Variants in SNX9 observed in about 807,000 individuals in gnomAD.
The protein encoded by SNX9 is sorting nexin 9, also known as sorting nexin-9.
A neutral mutation model predicts 89.4 loss-of-function variants in SNX9; 44 were observed. The observed-to-expected ratio is 0.49, with a 90% CI of 0.39 to 0.63. SNX9 has a LOEUF of 0.63. SNX9 is among the 30% of genes least tolerant of loss of function. The probability of loss-of-function intolerance (pLI) is 0.00; values close to 1 mark genes in which losing one functional copy is unlikely to be tolerated. For synonymous variants in SNX9, 236 were observed against 247.8 expected, an observed-to-expected ratio of 0.95 and a Z score of 0.45; for missense variants, 578 against 736.1, an observed-to-expected ratio of 0.79 and a Z score of 2.49.
At chr6:157,915,822 C>CAAAA (rs570701086) in intron 9 of SNX9, among the ~76,000 whole-genome samples, 7 of 89,376 alleles carry the variant, frequency 7.8e-5, no homozygotes, top group Middle Eastern at 6.4e-3. Flanking sequence ...TAGACTCTGT[C>CAAAA]AAAAAAAAAA....
Position 157,944,080 on chromosome 6 carries a change from A to T in SNX9, c.*1242A>T, listed in dbSNP as rs1784095293. The T allele has an allele frequency of 6.6e-6, 1 of 152,256 alleles. No homozygotes were observed. Among genetic ancestry groups the T allele is most frequent in the African/African-American group, 2.4e-5 (1 of 41,424 alleles). 9.4% of individuals were successfully genotyped at this position (152,256 alleles called of 1,614,324 possible). ...CGCTTCACTTAACGGCATAAAGCAAAACAGGACCTTGGCACACCGTCAGCT... is the reference window on the plus strand; with the variant it reads ...CGCTTCACTTAACGGCATAAAGCAATACAGGACCTTGGCACACCGTCAGCT... On this transcript the variant is annotated 3_prime_UTR_variant, in exon 18 of 18. Coordinates refer to ENST00000392185, the MANE Select transcript of SNX9 (RefSeq NM_016224.5).
chr6:157,942,737 G>A (rs936931681), intron 17 of SNX9, 54 bp from the exon 18 acceptor site: 58 of 1,570,752 alleles, frequency 3.7e-5, no homozygotes, highest in Admixed American at 3.4e-5. Flanking sequence ...AGAACACTGT[G>A]AGGTCGTAAT....
Position 157,943,231 on chromosome 6 carries a change from ATAAT to A in SNX9, c.*400_*403del, listed in dbSNP as rs1169228432. ...TCTTCCAGTTCTTACCCAGTGTCAG[ATAAT>A]TAATTACTAATTACTTTCTTAAAAA... On this transcript the variant is annotated 3_prime_UTR_variant, in exon 18 of 18. Transcript: ENST00000392185. 6.4e-6 allele frequency: 1 copy of A among 157,166 alleles called. No homozygotes were observed. The highest frequency in any genetic ancestry group is 1.4e-5 in the Non-Finnish European group (1 of 71,524). 9.7% of individuals were successfully genotyped at this position (157,166 alleles called of 1,614,324 possible). A position where few individuals can be genotyped will look rare whatever the true frequency, so the allele number is the denominator to read the frequency against.
chr6:157,851,096 AAAT>A (rs941538005), intron 1 of SNX9, among the ~76,000 whole-genome samples: 1 of 152,010 alleles, frequency 6.6e-6, no homozygotes, highest in Non-Finnish European at 1.5e-5. Flanking sequence ...TTTCTACTAA[AAAT>A]ACAAAAAAAT....
chr6:157,867,434 C>A, intron 1 of SNX9, 113 bp from the exon 2 acceptor site: 1 of 756,736 alleles, frequency 1.3e-6, no homozygotes. Context: ...AAAACAGCCA[C>A]AGCCACTATC....
chr6:157,825,955 AT>A (rs1781335540), intron 1 of SNX9, among the ~76,000 whole-genome samples: 1 of 151,956 alleles, frequency 6.6e-6, no homozygotes, highest in African/African-American at 2.4e-5. Context: ...GGCTGTTGCT[AT>A]AAGTATTAAC....
At chr6:157,892,423 A>T (rs1782882605) in intron 4 of SNX9, among the ~76,000 whole-genome samples, 1 of 152,116 alleles carries the variant, frequency 6.6e-6, no homozygotes, top group Non-Finnish European at 1.5e-5. Flanking sequence ...GGTTTTGAGA[A>T]ATGTGTTATC....
chr6:157,892,389 G>A (rs548875041), intron 4 of SNX9, among the ~76,000 whole-genome samples: 75 of 152,282 alleles, frequency 4.9e-4, no homozygotes, highest in African/African-American at 1.7e-3. Flanking sequence ...GACGGAAGCT[G>A]CAGGAAAGAT....
At chr6:157,904,217 C>T (rs760820135) in intron 6 of SNX9, among the ~76,000 whole-genome samples, 5 of 152,054 alleles carry the variant, frequency 3.3e-5, no homozygotes, top group African/African-American at 1.2e-4. Context: ...AGGCAGATCA[C>T]GAGGTCAGGA....
rs1168805799 is a variant in SNX9, at chr6:157,906,169, T to G, written c.662T>G (p.Leu221Trp). The change falls in exon 7 of 18, where the codon TTG becomes TGG. Residue 221 changes from leucine to tryptophan, a missense_variant. Leu to Trp is a moderately conservative substitution (Grantham distance 61, BLOSUM62 -2). Transcript: ENST00000392185. ...AAACCTGGCACGGAACAGTATTTGT[T>G]GGCCAAACAACTAGCAAAACCCAAA... ...FAKPGTEQYL[L>W]AKQLAKPKEK... is the part of the protein sequence containing the mutation. 6.3e-7 allele frequency: 1 copy of G among 1,597,038 alleles called. No individual in the cohort carries two copies. The highest frequency in any genetic ancestry group is 1.4e-5 in the African/African-American group (1 of 73,660).
chr6:157,905,240 C>T (rs568196420), intron 6 of SNX9, among the ~76,000 whole-genome samples: 235 of 152,214 alleles, frequency 1.5e-3, no homozygotes, highest in African/African-American at 5.4e-3. Context: ...AAAGAAGACA[C>T]GGGCCCCTGA....
chr6:157,856,975 T>A (rs1782026309), intron 1 of SNX9, among the ~76,000 whole-genome samples: 1 of 152,222 alleles, frequency 6.6e-6, no homozygotes, highest in South Asian at 2.1e-4. Flanking sequence ...GCTGAAATGC[T>A]TGTAAAAGAG....
intron 16 of SNX9, 139 bp downstream of exon 16, chr6:157,938,886 G>C (rs748125222): frequency 1.7e-6 from 1 of 597,914 alleles, no homozygotes; most frequent in Middle Eastern, 2.8e-4. Context: ...GCAGGATCCC[G>C]GTGCTGATGA....
intron 4 of SNX9, among the ~76,000 whole-genome samples, chr6:157,896,149 C>T (rs570381033): frequency 1.4e-3 from 215 of 152,250 alleles, no homozygotes; most frequent in Non-Finnish European, 2.7e-3. Flanking sequence ...AAGGCCAAGT[C>T]GATCTGTAAC....
At chr6:157,878,165 T>G (rs538198189) in intron 4 of SNX9, among the ~76,000 whole-genome samples, 7 of 152,338 alleles carry the variant, frequency 4.6e-5, no homozygotes, top group African/African-American at 1.7e-4. Flanking sequence ...GTTGCTGGTG[T>G]CAAGGCAGTG....
At chr6:157,858,996 T>C (rs1450339860) in intron 1 of SNX9, among the ~76,000 whole-genome samples, 1 of 152,236 alleles carries the variant, frequency 6.6e-6, no homozygotes, top group Non-Finnish European at 1.5e-5. Context: ...CTCTCCATTT[T>C]TTCCAATTTT....
In SNX9 at chr6:157,944,244, A is replaced by G. The variant is rs1047950048; in HGVS notation, c.*1406A>G. ...CGGGAAATGGAAAGTCTGGGCCAGC[A>G]TCAATAAAATGACACCAAAAATAAG... On this transcript the variant is annotated 3_prime_UTR_variant, in exon 18 of 18. Coordinates refer to ENST00000392185, the MANE Select transcript of SNX9 (RefSeq NM_016224.5). The G allele has an allele frequency of 6.6e-6, 1 of 152,654 alleles. No individual in the cohort carries two copies. The highest frequency in any genetic ancestry group is 2.4e-5 in the African/African-American group (1 of 41,468). 9.5% of individuals were successfully genotyped at this position (152,654 alleles called of 1,614,324 possible). A position where few individuals can be genotyped will look rare whatever the true frequency, so the allele number is the denominator to read the frequency against.
intron 14 of SNX9, among the ~76,000 whole-genome samples, chr6:157,937,087 G>A (rs952868253): frequency 6.6e-5 from 10 of 152,052 alleles, no homozygotes; most frequent in African/African-American, 2.4e-4. Context: ...TATATTCTCT[G>A]CTCATATTTA....
chr6:157,864,012 G>C (rs1425076204), intron 1 of SNX9, among the ~76,000 whole-genome samples: 1 of 152,140 alleles, frequency 6.6e-6, no homozygotes, highest in East Asian at 1.9e-4. Flanking sequence ...ACATTTTTCT[G>C]TGAATGTCCT....
Sources: allele counts gnomAD v4.1 joint callset (sites outside exome capture counted in the v4.1 genomes callset), GRCh38; gene constraint gnomAD v4.1.1; transcripts MANE v1.5; gene names NCBI Gene and HGNC (gene_info 2026-07-23, HGNC 2026-07-21).